Variants in EMILIN2 observed in about 807,000 individuals in gnomAD.
The protein encoded by EMILIN2 is elastin microfibril interfacer 2.
EMILIN2 carries 71 observed loss-of-function variants against 87.1 expected under a neutral mutation model. The ratio of observed to expected loss-of-function variants is 0.82; its 90% confidence interval spans 0.67 to 0.99. The LOEUF is 0.99. Ranked by LOEUF, EMILIN2 falls within the 50% of genes least tolerant of loss-of-function variation. The pLI is 0.00. For missense variants in EMILIN2, 1,407 were observed against 1,371.8 expected (o/e 1.03, Z -0.40); for synonymous variants, 581 against 563.4 (o/e 1.03, Z -0.44).
In EMILIN2 at chr18:2,890,054, A is replaced by C. The variant is rs2076826521; in HGVS notation, c.434-507A>C. Among the ~76,000 whole-genome samples, 1 of 152,202 alleles carries C rather than the reference A, an allele frequency of 6.6e-6. No homozygotes were observed. The highest frequency in any genetic ancestry group is 1.5e-5 in the Non-Finnish European group (1 of 68,040). On this transcript the variant is annotated intron_variant, in intron 3 of 7. Transcript: ENST00000254528. This position sits in a 1 kb window ranked among gnomAD's most constrained non-coding sequence, Gnocchi z 4.7. ...TGCTTTGAGGATAACATCAGAAAAT[A>C]TGATATCATATGATATCACCATCCA... is the stretch of plus-strand genomic sequence containing the variant.
chr18:2,846,254 G>A (rs1400914923), upstream of EMILIN2, among the ~76,000 whole-genome samples: 1 of 152,238 alleles, frequency 6.6e-6, no homozygotes, highest in East Asian at 1.9e-4. This position sits in a 1 kb window ranked among gnomAD's most constrained non-coding sequence, Gnocchi z 5.3. Flanking sequence ...GTCTAGCAGT[G>A]CCTGAACTGT....
rs2076842821 is a variant in EMILIN2, at chr18:2,892,353, G to T, written c.2226G>T (p.Arg742Ser). Residue 742 changes from arginine to serine, a missense_variant, in exon 4 of 8, where the codon AGG becomes AGT. Coordinates refer to ENST00000254528, the MANE Select transcript of EMILIN2 (RefSeq NM_032048.3). ...KHVSSLWNCV[R>S]QMNGTLRSHS... The stretch of plus-strand genomic sequence containing the variant: ...TCAGCAGCCTGTGGAACTGTGTCAG[G>T]CAGATGAACGGAACGCTCAGGTCGC... The T allele has an allele frequency of 6.2e-7, 1 of 1,614,062 alleles. No homozygotes were observed. Among genetic ancestry groups the T allele is most frequent in the Non-Finnish European group, 8.5e-7 (1 of 1,180,044 alleles).
rs1180735843 is a variant in EMILIN2, at chr18:2,858,583, G to GTGTGTGTA, written c.257+10653_257+10654insGTGTGTAT. Among the ~76,000 whole-genome samples the GTGTGTGTA allele has an allele frequency of 6.0e-4, 38 of 63,040 alleles. 2 individuals are homozygous for GTGTGTGTA. The highest frequency in any genetic ancestry group is 3.0e-3 in the African/African-American group (32 of 10,696). 41.4% of individuals were successfully genotyped at this position (63,040 alleles called of 152,430 possible). A position where few individuals can be genotyped will look rare whatever the true frequency, so the allele number is the denominator to read the frequency against. ...TATATATATATATGTGTGTGTGTGTGTATATATATATATATATATGTGTAT... is the reference window on the plus strand; with the variant it reads ...TATATATATATATGTGTGTGTGTGTGTGTGTGTATATATATATATATATATATGTGTAT... On this transcript the variant is annotated intron_variant, in intron 2 of 7. Coordinates refer to ENST00000254528, the MANE Select transcript of EMILIN2 (RefSeq NM_032048.3).
At chr18:2,868,750 A>C (rs910029147) in intron 2 of EMILIN2, among the ~76,000 whole-genome samples, 27 of 152,372 alleles carry the variant, frequency 1.8e-4, no homozygotes, top group Admixed American at 4.6e-4. Flanking sequence ...GCAGCAGCAC[A>C]GTCCAGCTTC....
At chr18:2,889,682 T>TTTTTC (rs1233146508) in intron 3 of EMILIN2, among the ~76,000 whole-genome samples, 7 of 146,052 alleles carry the variant, frequency 4.8e-5, no homozygotes, top group African/African-American at 1.5e-4. Flanking sequence ...TCTTCTTCTT[T>TTTTTC]TTTTCTTTTC....
chr18:2,906,619 T>C, intron 4 of EMILIN2, 164 bp from the exon 5 acceptor site: 1 of 506,330 alleles, frequency 2.0e-6, no homozygotes, highest in Non-Finnish European at 3.0e-6. Flanking sequence ...CCTCGGAAGA[T>C]GCGGGCGGAC....
chr18:2,889,235 T>G (rs1439906733), intron 3 of EMILIN2, among the ~76,000 whole-genome samples: 3 of 148,740 alleles, frequency 2.0e-5, no homozygotes, highest in Non-Finnish European at 3.0e-5. Flanking sequence ...CCTCCTGGGT[T>G]CAAGCGATTT....
At chr18:2,895,180 A>G (rs986236854) in intron 4 of EMILIN2, among the ~76,000 whole-genome samples, 1 of 152,004 alleles carries the variant, frequency 6.6e-6, no homozygotes, top group African/African-American at 2.4e-5. Context: ...GGTGTGCATG[A>G]GCCACCTTGA....
At chr18:2,901,924 G>T (rs887637653) in intron 4 of EMILIN2, among the ~76,000 whole-genome samples, 1 of 152,124 alleles carries the variant, frequency 6.6e-6, no homozygotes, top group South Asian at 2.1e-4. Flanking sequence ...ATGATGTGGC[G>T]GGCTGCTTTG....
intron 2 of EMILIN2, among the ~76,000 whole-genome samples, chr18:2,884,294 C>G (rs1320491528): frequency 3.3e-5 from 5 of 152,148 alleles, no homozygotes; most frequent in Admixed American, 2.6e-4. Context: ...CTGTGTCTCC[C>G]AGGCTGGAGT....
chr18:2,871,430 G>C (rs1277290501), intron 2 of EMILIN2, among the ~76,000 whole-genome samples: 2 of 152,186 alleles, frequency 1.3e-5, no homozygotes, highest in African/African-American at 4.8e-5. Flanking sequence ...TGTGCAAAAC[G>C]TACTTGGGTT....
chr18:2,893,766 T>C (rs2076851064), intron 4 of EMILIN2, among the ~76,000 whole-genome samples: 1 of 152,178 alleles, frequency 6.6e-6, no homozygotes, highest in Non-Finnish European at 1.5e-5. Flanking sequence ...AATCCTATCA[T>C]GGCCTCACAG....
chr18:2,886,765 T>G (rs552301546), intron 3 of EMILIN2, among the ~76,000 whole-genome samples: 5 of 152,352 alleles, frequency 3.3e-5, no homozygotes, highest in Admixed American at 6.5e-5. Flanking sequence ...GTCTTATGTT[T>G]TTCCTTTGCT....
chr18:2,878,013 A>T (rs564626438), intron 2 of EMILIN2, among the ~76,000 whole-genome samples: 18 of 152,326 alleles, frequency 1.2e-4, no homozygotes, highest in African/African-American at 4.1e-4. Context: ...TTCATGGAGA[A>T]TGTACAGTGG....
intron 4 of EMILIN2, among the ~76,000 whole-genome samples, chr18:2,901,980 G>A (rs748037013): frequency 8.5e-5 from 13 of 152,220 alleles, no homozygotes; most frequent in Non-Finnish European, 1.8e-4. Flanking sequence ...TCCCCAAGGA[G>A]ATCCACTGAG....
At chr18:2,863,086 A>G (rs1392213467) in intron 2 of EMILIN2, among the ~76,000 whole-genome samples, 1 of 151,994 alleles carries the variant, frequency 6.6e-6, no homozygotes, top group Non-Finnish European at 1.5e-5. Context: ...ATCATTTTCT[A>G]TTGCATCTAT....
In EMILIN2 at chr18:2,858,573, G is replaced by A. The variant is rs1352466882; in HGVS notation, c.257+10642G>A. ...TATATATATATATATATATATATGT[G>A]TGTGTGTGTGTATATATATATATAT... On this transcript the variant is annotated intron_variant, in intron 2 of 7. Coordinates refer to ENST00000254528, the MANE Select transcript of EMILIN2 (RefSeq NM_032048.3). Among the ~76,000 whole-genome samples, 327 of 55,362 alleles carry A rather than the reference G, an allele frequency of 5.9e-3. 6 individuals are homozygous for A. Among genetic ancestry groups the A allele is most frequent in the South Asian group, 9.3e-3 (14 of 1,498 alleles). 36.3% of individuals were successfully genotyped at this position (55,362 alleles called of 152,430 possible).
At chr18:2,865,558 C>A (rs557554919) in intron 2 of EMILIN2, among the ~76,000 whole-genome samples, 1 of 152,156 alleles carries the variant, frequency 6.6e-6, no homozygotes, top group African/African-American at 2.4e-5. Context: ...GCTGGCTGAT[C>A]GTTCCTCTGG....
chr18:2,906,724 G>A, intron 4 of EMILIN2, 59 bp from the exon 5 acceptor site: 1 of 1,178,404 alleles, frequency 8.5e-7, no homozygotes, highest in Non-Finnish European at 1.1e-6. Flanking sequence ...ACCCTGACGG[G>A]GCAGTCAGGG....
Sources: allele counts gnomAD v4.1 joint callset (sites outside exome capture counted in the v4.1 genomes callset), GRCh38; gene constraint gnomAD v4.1.1; non-coding constraint Gnocchi (gnomAD v3.1); transcripts MANE v1.5; gene names NCBI Gene and HGNC (gene_info 2026-07-23, HGNC 2026-07-21).